Variants in FAM193B observed in about 807,000 individuals in gnomAD.
FAM193B encodes the protein protein FAM193B.
A neutral mutation model predicts 70.7 loss-of-function variants in FAM193B; 27 were observed. That is an observed-to-expected ratio of 0.38 (90% CI 0.28 to 0.53). The LOEUF is 0.53. Among genes scored for constraint, FAM193B ranks in the 20% least tolerant of loss-of-function variants. The pLI is 0.81. For synonymous variants in FAM193B, 448 were observed against 436.0 expected (o/e 1.03, Z -0.34); for missense variants, 1,022 against 1,072.5 (o/e 0.95, Z 0.66).
At position 177,532,591 on chromosome 5, in the gene FAM193B, T is replaced by C. The variant is rs746611407; in HGVS notation, c.1127A>G (p.Gln376Arg). 5.7e-6 allele frequency: 9 copies of C among 1,592,410 alleles called. No individual in the cohort carries two copies. Among genetic ancestry groups the C allele is most frequent in the Middle Eastern group, 1.7e-4 (1 of 5,956 alleles). ...ATCTGCCTCGCAGGGCTGGGGCAGC[T>C]GGCAAGCCAGGCCACTGTGTGCAAA... Reference protein sequence around the residue: ...HKFAHSGLACQLPQPCEADEG... With the variant: ...HKFAHSGLACRLPQPCEADEG... Residue 376 changes from glutamine (Q) to arginine (R), a missense_variant, in exon 5 of 9, where the codon CAG (glutamine) becomes CGG (arginine). Gln to Arg is a conservative substitution (Grantham distance 43, BLOSUM62 1). Coordinates refer to ENST00000514747, the MANE Select transcript of FAM193B (RefSeq NM_001190946.3). This position sits in a 1 kb window ranked among gnomAD's most constrained non-coding sequence, Gnocchi z 4.9.
At chr5:177,539,202 A>C (rs1321489968) in intron 1 of FAM193B, 55 bp from the exon 2 acceptor site, 12 of 1,484,938 alleles carry the variant, frequency 8.1e-6, no homozygotes, top group Admixed American at 2.2e-5. Flanking sequence ...CTCCTTCAAA[A>C]TAATAGTAAC....
At chr5:177,539,995 TG>T (rs1274101259) in intron 1 of FAM193B, among the ~76,000 whole-genome samples, 1 of 152,062 alleles carries the variant, frequency 6.6e-6, no homozygotes, top group African/African-American at 2.4e-5. Flanking sequence ...TTTTGCCTTC[TG>T]TGACAAACTT....
In FAM193B at chr5:177,524,255, C is replaced by T. The variant is rs1172467079; in HGVS notation, c.2226G>A (p.Gln742=). 6.4e-7 allele frequency: 1 copy of T among 1,564,476 alleles called. No homozygotes were observed. The highest frequency in any genetic ancestry group is 2.3e-5 in the East Asian group (1 of 43,526). The stretch of plus-strand genomic sequence containing the variant: ...TGCGGCCCTTGCCCTGGGGCAAGCT[C>T]TGTGGCCTTGCTGGGCCTGAGGGCT... The part of the protein sequence containing the change: ...SVQPSGPARP[Q]SLPQGKGRSR... Residue 742 remains glutamine (Q), a synonymous_variant, in exon 6 of 9, where the codon CAG becomes CAA. Transcript: ENST00000514747.
At chr5:177,548,272 G>A (rs1765737594) in intron 1 of FAM193B, among the ~76,000 whole-genome samples, 1 of 152,138 alleles carries the variant, frequency 6.6e-6, no homozygotes, top group Non-Finnish European at 1.5e-5. Context: ...CCACAATACT[G>A]TGAGCTTTTC....
At chr5:177,549,149 G>T (rs920954582) in intron 1 of FAM193B, among the ~76,000 whole-genome samples, 4 of 150,300 alleles carry the variant, frequency 2.7e-5, no homozygotes, top group Non-Finnish European at 5.9e-5. Flanking sequence ...GCACTTGTTG[G>T]ACCCTAACAT....
intron 1 of FAM193B, chr5:177,553,777 T>C (rs1322180137): frequency 7.8e-7 from 1 of 1,287,426 alleles, no homozygotes; most frequent in East Asian, 5.6e-5. Context: ...GAGACACAGC[T>C]GCTGAGGGGG....
intron 1 of FAM193B, chr5:177,553,751 G>C: frequency 7.8e-7 from 1 of 1,287,866 alleles, no homozygotes; most frequent in Non-Finnish European, 1.0e-6. Flanking sequence ...TGCTGGGTAT[G>C]GCGAGGAGGC....
At chr5:177,539,243 G>C in intron 1 of FAM193B, 96 bp from the exon 2 acceptor site, 1 of 1,405,998 alleles carries the variant, frequency 7.1e-7, no homozygotes, top group East Asian at 2.5e-5. Context: ...TTACGTGCCA[G>C]GCACTGGGTT....
intron 5 of FAM193B, chr5:177,531,213 A>G: frequency 1.7e-6 from 2 of 1,199,724 alleles, no homozygotes; most frequent in Non-Finnish European, 1.1e-6. Flanking sequence ...ATGCCCCAGA[A>G]GTCCTGGGGG....
chr5:177,525,361 C>T (rs773608094), intron 5 of FAM193B, 156 bp from the exon 6 acceptor site: 3 of 617,412 alleles, frequency 4.9e-6, no homozygotes, highest in East Asian at 3.4e-5. Context: ...GGAGTGAGGG[C>T]AAACTGCAGC....
chr5:177,526,841 T>G (rs1159135635), intron 5 of FAM193B, among the ~76,000 whole-genome samples: 2 of 152,202 alleles, frequency 1.3e-5, no homozygotes, highest in African/African-American at 2.4e-5. Flanking sequence ...TGACAACCAT[T>G]TACCGACCAT....
In FAM193B at chr5:177,539,141, G is replaced by A. The variant is rs760844294; in HGVS notation, c.217C>T (p.Pro73Ser). ...PNLVPGPQVP[P>S]ASSQPVQTCC... is the part of the protein sequence containing the mutation. ...GTCTGCACAGGCTGGCTGGAGGCGG[G>A]GGGGACCTGTCCAACAGACAGAAAC... The change falls in exon 2 of 9, where the codon CCC (proline) becomes TCC (serine). Residue 73 changes from proline (P) to serine (S), a missense_variant. By Grantham distance (74) the Pro-to-Ser change is moderately conservative (BLOSUM62 -1). Coordinates refer to ENST00000514747, the MANE Select transcript of FAM193B (RefSeq NM_001190946.3). The A allele has an allele frequency of 4.5e-6, 7 of 1,566,026 alleles. No homozygotes were observed. The highest frequency in any genetic ancestry group is 6.1e-6 in the Non-Finnish European group (7 of 1,155,496).
At position 177,546,781 on chromosome 5, in the gene FAM193B, G is replaced by A. The variant is rs766991953; in HGVS notation, c.210+7468C>T. On this transcript the variant is annotated intron_variant, in intron 1 of 8. Transcript: ENST00000514747. ...GAATCCTTTCTGGTTGTACAAGCTCGGTTGGGAGTGAGTCTCTCTGATCCT... is the reference window on the plus strand; with the variant it reads ...GAATCCTTTCTGGTTGTACAAGCTCAGTTGGGAGTGAGTCTCTCTGATCCT... 5.9e-5 allele frequency among the ~76,000 whole-genome samples: 9 copies of A among 152,290 alleles called. No individual in the cohort carries two copies. In the East Asian group the frequency reaches 7.7e-4, roughly 13 times the overall value.
chr5:177,552,160 C>T (rs976276932), intron 1 of FAM193B: 2 of 751,928 alleles, frequency 2.7e-6, no homozygotes, highest in East Asian at 1.3e-4. Context: ...ATAATTATAT[C>T]CTCCAGTTTG....
chr5:177,552,142 G>T (rs1336174846), intron 1 of FAM193B: 11 of 852,952 alleles, frequency 1.3e-5, no homozygotes, highest in African/African-American at 1.8e-5. Context: ...CTGAAAAATG[G>T]AGTAATGATA....
At chr5:177,533,618 T>C (rs1285614981) in intron 4 of FAM193B, among the ~76,000 whole-genome samples, 3 of 152,152 alleles carry the variant, frequency 2.0e-5, no homozygotes, top group African/African-American at 7.2e-5. Context: ...GGCATATTAT[T>C]TCTAACCATC....
At chr5:177,551,660 A>G (rs1265091425) in intron 1 of FAM193B, among the ~76,000 whole-genome samples, 1 of 152,240 alleles carries the variant, frequency 6.6e-6, no homozygotes, top group Non-Finnish European at 1.5e-5. Flanking sequence ...GCTCAAATGA[A>G]AATAAAAACA....
At chr5:177,553,167 C>A in intron 1 of FAM193B, 1 of 985,686 alleles carries the variant, frequency 1.0e-6, no homozygotes, top group Non-Finnish European at 1.2e-6. Context: ...ACCCCACTCA[C>A]ATGCACAATT....
chr5:177,524,044 C>T lies in FAM193B; in HGVS notation c.2297-12G>A. Reference sequence around the variant, plus strand: ...CAGGAACACATCGTCTAGGAAGACACAGCCAGGAGGGCTCAGTGCCCATGG... The same window carrying T: ...CAGGAACACATCGTCTAGGAAGACATAGCCAGGAGGGCTCAGTGCCCATGG... On this transcript the variant is annotated splice_polypyrimidine_tract_variant and intron_variant, in intron 6 of 8. Coordinates refer to ENST00000514747, the MANE Select transcript of FAM193B (RefSeq NM_001190946.3). 6.2e-7 allele frequency: 1 copy of T among 1,614,046 alleles called. No homozygotes were observed. The highest frequency in any genetic ancestry group is 8.5e-7 in the Non-Finnish European group (1 of 1,179,882).
Sources: allele counts gnomAD v4.1 joint callset (sites outside exome capture counted in the v4.1 genomes callset), GRCh38; gene constraint gnomAD v4.1.1; non-coding constraint Gnocchi (gnomAD v3.1); transcripts MANE v1.5; gene names NCBI Gene and HGNC (gene_info 2026-07-23, HGNC 2026-07-21).